CATSPERE: variants seen among roughly 807,000 people sequenced by gnomAD.
The protein encoded by CATSPERE is catsper channel auxiliary subunit epsilon, also known as cation channel sperm-associated auxiliary subunit epsilon.
In CATSPERE, 93 loss-of-function variants were observed where a neutral mutation model predicts 114.1. The observed-to-expected ratio is 0.81, with a 90% CI of 0.69 to 0.97. The LOEUF (loss-of-function observed/expected upper bound fraction) is 0.97. Ranked by LOEUF, CATSPERE falls within the 50% of genes least tolerant of loss-of-function variation. The pLI, the probability that CATSPERE is intolerant of heterozygous loss-of-function variation, is 0.00. For synonymous variants in CATSPERE, 341 were observed against 384.1 expected (o/e 0.89, Z 1.31); for missense variants, 1,058 against 1,131.6 (o/e 0.93, Z 0.93).
chr1:244,586,550 G>A (rs1415781117), intron 13 of CATSPERE, among the ~76,000 whole-genome samples: 1 of 152,120 alleles, frequency 6.6e-6, no homozygotes, highest in Non-Finnish European at 1.5e-5. Flanking sequence ...AGTGGTCCAG[G>A]AAATAAAATA....
At chr1:244,621,164 ATT>A (rs1672205272) in intron 20 of CATSPERE, among the ~76,000 whole-genome samples, 1 of 115,464 alleles carries the variant, frequency 8.7e-6, no homozygotes, top group African/African-American at 3.5e-5. Flanking sequence ...AAATATATAT[ATT>A]ATATATAGAT....
intron 4 of CATSPERE, among the ~76,000 whole-genome samples, chr1:244,479,028 C>CAAAAAAAAAAAA (rs1161485991): frequency 4.2e-5 from 2 of 47,502 alleles, no homozygotes; most frequent in Admixed American, 3.0e-4. Flanking sequence ...AACTTCGTCT[C>CAAAAAAAAAAAA]AAAAAAAAAA....
At chr1:244,566,116 G>T (rs1482897350) in intron 10 of CATSPERE, among the ~76,000 whole-genome samples, 1 of 152,176 alleles carries the variant, frequency 6.6e-6, no homozygotes, top group East Asian at 1.9e-4. Flanking sequence ...CAGATTCCAT[G>T]TAGTTGTGTA....
chr1:244,605,872 G>C, intron 18 of CATSPERE, 78 bp downstream of exon 18: 2 of 992,958 alleles, frequency 2.0e-6, no homozygotes, highest in South Asian at 3.5e-5. Context: ...ATAAATAAGC[G>C]ATCTAAGGAA....
chr1:244,614,045 T>A (rs1671069269), intron 19 of CATSPERE, among the ~76,000 whole-genome samples: 2 of 152,054 alleles, frequency 1.3e-5, no homozygotes, highest in Middle Eastern at 3.4e-3. Flanking sequence ...CCCTGCAGAG[T>A]CCCCACCAGG....
In CATSPERE at chr1:244,526,419, A is replaced by G. The variant is rs1678609665; in HGVS notation, c.536+7721A>G. ...GAGACCCTGTATCAAAAAGAAAAAA[A>G]AAAAAGGAAAAGAAAATAATTTCTT... is the stretch of plus-strand genomic sequence containing the variant. On this transcript the variant is annotated intron_variant, in intron 8 of 21. Transcript: ENST00000366534. 3.9e-5 allele frequency among the ~76,000 whole-genome samples: 6 copies of G among 152,126 alleles called. No homozygotes were observed. In the South Asian group the frequency reaches 1.2e-3, roughly 32 times the overall value.
intron 20 of CATSPERE, among the ~76,000 whole-genome samples, chr1:244,622,621 A>C (rs1161263658): frequency 6.6e-6 from 1 of 151,902 alleles, no homozygotes; most frequent in East Asian, 1.9e-4. Flanking sequence ...CCAGGCTGTC[A>C]ATTTTCATTC....
chr1:244,456,478 C>T (rs763469619), upstream of CATSPERE, among the ~76,000 whole-genome samples: 35 of 152,170 alleles, frequency 2.3e-4, no homozygotes, highest in Non-Finnish European at 4.6e-4. Flanking sequence ...GCGCTTACAT[C>T]ACATATTTTG....
At chr1:244,518,510 C>A in intron 7 of CATSPERE, 82 bp from the exon 8 acceptor site, 2 of 877,228 alleles carry the variant, frequency 2.3e-6, no homozygotes, top group Non-Finnish European at 3.7e-6. Context: ...ACGAAAATAA[C>A]AAATTCAATA....
In CATSPERE at chr1:244,589,709, G is replaced by A. The variant is rs570018254; in HGVS notation, c.2138+1175G>A. Among the ~76,000 whole-genome samples, 8 of 152,296 alleles carry A rather than the reference G, an allele frequency of 5.3e-5. No homozygotes were observed. The East Asian group carries it at 5.8e-4, about 11-fold the overall frequency. ...GTTACCAAAATCAGTTCCCAGTACC[G>A]CTGCATGCAGAATGCCTTCTCAGGC... On this transcript the variant is annotated intron_variant, in intron 14 of 21. Coordinates refer to ENST00000366534, the MANE Select transcript of CATSPERE (RefSeq NM_001130957.2).
intron 7 of CATSPERE, among the ~76,000 whole-genome samples, chr1:244,501,897 C>T (rs1441598035): frequency 6.6e-6 from 1 of 152,202 alleles, no homozygotes; most frequent in African/African-American, 2.4e-5. Flanking sequence ...CACATCTTGC[C>T]TCCGGCCACT....
At chr1:244,478,427 C>T (rs1404793645) in intron 4 of CATSPERE, among the ~76,000 whole-genome samples, 3 of 152,130 alleles carry the variant, frequency 2.0e-5, no homozygotes, top group Non-Finnish European at 4.4e-5. Context: ...CAAAAACACC[C>T]AAAGGCAAAG....
intron 8 of CATSPERE, among the ~76,000 whole-genome samples, chr1:244,530,251 C>G (rs1424334823): frequency 6.6e-6 from 1 of 152,090 alleles, no homozygotes; most frequent in Non-Finnish European, 1.5e-5. Flanking sequence ...CGCCCAGCCC[C>G]CAGCACCATT....
chr1:244,484,943 G>T (rs1470300636), intron 5 of CATSPERE, among the ~76,000 whole-genome samples: 1 of 151,970 alleles, frequency 6.6e-6, no homozygotes, highest in Non-Finnish European at 1.5e-5. Context: ...TTCTCTCAGT[G>T]CTTTAAAATT....
intron 8 of CATSPERE, among the ~76,000 whole-genome samples, chr1:244,528,589 A>T (rs116453647): frequency 1.3e-5 from 2 of 152,164 alleles, no homozygotes. Flanking sequence ...TAATAATCAT[A>T]TCAGGGTAAG....
At chr1:244,614,642 G>A (rs1288806071) in intron 19 of CATSPERE, among the ~76,000 whole-genome samples, 1 of 152,088 alleles carries the variant, frequency 6.6e-6, no homozygotes, top group Non-Finnish European at 1.5e-5. Flanking sequence ...CACGAGGAGG[G>A]AACCCACAGC....
intron 10 of CATSPERE, among the ~76,000 whole-genome samples, chr1:244,571,526 G>A (rs992216287): frequency 5.3e-5 from 8 of 152,176 alleles, no homozygotes; most frequent in African/African-American, 1.9e-4. Flanking sequence ...AATATTAAGT[G>A]GAGAAAGCTG....
At chr1:244,588,834 A>G (rs1225880442) in intron 14 of CATSPERE, among the ~76,000 whole-genome samples, 1 of 152,204 alleles carries the variant, frequency 6.6e-6, no homozygotes, top group African/African-American at 2.4e-5. Flanking sequence ...TCAACTCTTC[A>G]GTCTACGGCT....
chr1:244,495,951 G>T (rs978171842), intron 6 of CATSPERE, among the ~76,000 whole-genome samples: 7 of 152,190 alleles, frequency 4.6e-5, no homozygotes, highest in African/African-American at 1.7e-4. Flanking sequence ...TTTGCAAGCA[G>T]TCAAACACAT....
Sources: allele counts gnomAD v4.1 joint callset (sites outside exome capture counted in the v4.1 genomes callset), GRCh38; gene constraint gnomAD v4.1.1; transcripts MANE v1.5; gene names NCBI Gene and HGNC (gene_info 2026-07-23, HGNC 2026-07-21).